NAV3: variants seen among roughly 807,000 people sequenced by gnomAD.
The protein encoded by NAV3 is pore membrane and/or filament interacting like protein 1.
A neutral mutation model predicts 244.7 loss-of-function variants in NAV3; 87 were observed. That is an observed-to-expected ratio of 0.36 (90% CI 0.30 to 0.42). NAV3 has a LOEUF of 0.42. Ranked by LOEUF, NAV3 falls within the 20% of genes least tolerant of loss-of-function variation. The pLI, the probability that NAV3 is intolerant of heterozygous loss-of-function variation, is 1.00. For missense variants in NAV3, 2,663 were observed against 2,893.3 expected, an observed-to-expected ratio of 0.92 and a Z score of 1.83; for synonymous variants, 1,126 against 1,042.2, an observed-to-expected ratio of 1.08 and a Z score of -1.55.
intron 2 of NAV3, among the ~76,000 whole-genome samples, chr12:77,819,535 T>C (rs1436710515): frequency 1.3e-5 from 2 of 152,032 alleles, no homozygotes; most frequent in Non-Finnish European, 2.9e-5. Context: ...AGTTAAGTTT[T>C]AGATGCCAAA....
intron 2 of NAV3, among the ~76,000 whole-genome samples, chr12:77,791,471 C>T (rs1275695445): frequency 1.3e-5 from 2 of 151,990 alleles, no homozygotes; most frequent in Non-Finnish European, 2.9e-5. Context: ...TAAACAAGAC[C>T]CGTGATAAGA....
intron 24 of NAV3, among the ~76,000 whole-genome samples, chr12:78,173,801 A>G (rs1466297061): frequency 2.0e-5 from 3 of 151,502 alleles, no homozygotes; most frequent in African/African-American, 7.3e-5. Context: ...TGATTGCCTC[A>G]GTAGAAAAAT....
At chr12:78,133,723 TA>T (rs1432149011) in intron 18 of NAV3, among the ~76,000 whole-genome samples, 3 of 152,146 alleles carry the variant, frequency 2.0e-5, no homozygotes, top group African/African-American at 7.2e-5. Context: ...ATGCTAGCCC[TA>T]GTAGAAACCA....
rs186556413 is a variant in NAV3 at position 78,057,012 on chromosome 12, C to A, written c.2517-1984C>A. 1.6e-3 allele frequency among the ~76,000 whole-genome samples: 250 copies of A among 152,192 alleles called. 1 individual carries two copies. The highest frequency in any genetic ancestry group is 5.8e-3 in the African/African-American group (240 of 41,540). ...AGAATTCAAAATTTCTTGAAGCATG[C>A]GAAGGCTTATCTCTTTCTCCTCTTT... On this transcript the variant is annotated intron_variant, in intron 11 of 39. Coordinates refer to ENST00000397909, the MANE Select transcript of NAV3 (RefSeq NM_001024383.2).
intron 1 of NAV3, among the ~76,000 whole-genome samples, chr12:77,939,089 G>T (rs913897755): frequency 3.3e-5 from 5 of 151,574 alleles, no homozygotes; most frequent in African/African-American, 9.7e-5. Context: ...CTATACTTCT[G>T]GTTTATTATT....
chr12:78,177,670 A>G lies in NAV3; in HGVS notation c.5348A>G (p.Tyr1783Cys). 5 of 1,597,344 alleles carry G rather than the reference A, an allele frequency of 3.1e-6. No individual in the cohort carries two copies. The highest frequency in any genetic ancestry group is 1.1e-5 in the South Asian group (1 of 91,034). Reference sequence around the variant, plus strand: ...AAACGACAAAATGGCCCTGTGATCTACAAGCATAGATCTCGGTAAAGTGGA... The same window carrying G: ...AAACGACAAAATGGCCCTGTGATCTGCAAGCATAGATCTCGGTAAAGTGGA... ...PKKRQNGPVI[Y>C]KHRSRICECT... Residue 1783 changes from tyrosine (Y) to cysteine (C), a missense_variant, in exon 28 of 40, where the codon TAC becomes TGC. Tyr to Cys is a radical substitution (Grantham distance 194). Coordinates refer to ENST00000397909, the MANE Select transcript of NAV3 (RefSeq NM_001024383.2).
chr12:77,888,576 T>C (rs1036709679), intron 1 of NAV3, among the ~76,000 whole-genome samples: 13 of 152,216 alleles, frequency 8.5e-5, no homozygotes, highest in African/African-American at 2.9e-4. Context: ...GACAAAGTAA[T>C]GAAGAGAAGC....
chr12:77,797,985 G>A (rs7969823), intron 2 of NAV3, among the ~76,000 whole-genome samples: 143,357 of 151,970 alleles, frequency 0.94, 68,191 homozygotes, highest in East Asian at 1. Context: ...CCTGGGTAAC[G>A]TGGTGAAACC....
chr12:78,122,062 C>T lies in NAV3; in HGVS notation c.3872C>T (p.Pro1291Leu), dbSNP rs748073417. ...TLARQGSLES[P>L]SSGTGSMGSA... ...GCGCGGCAAGGCAGTCTGGAGTCAC[C>T]GTCGTCCGGTACGGGCAGCATGGGC... is the stretch of plus-strand genomic sequence containing the variant. The change falls in exon 16 of 40, where the codon CCG (proline) becomes CTG (leucine). Residue 1291 changes from proline to leucine, a missense_variant. Around this residue, in one of 6 missense-constraint regions of NAV3, gnomAD observed 354 missense variants for 413.0 expected, o/e 0.86. Transcript: ENST00000397909. The T allele has an allele frequency of 1.9e-6, 3 of 1,614,172 alleles. No individual in the cohort carries two copies. Among genetic ancestry groups the T allele is most frequent in the Admixed American group, 1.7e-5 (1 of 60,024 alleles).
At chr12:77,774,786 C>G (rs1179556424) in intron 2 of NAV3, among the ~76,000 whole-genome samples, 1 of 152,100 alleles carries the variant, frequency 6.6e-6, no homozygotes, top group East Asian at 1.9e-4. Flanking sequence ...ACTATATACC[C>G]AAAACATGTT....
chr12:78,180,412 T>A (rs1407660412), intron 29 of NAV3, among the ~76,000 whole-genome samples: 2 of 152,098 alleles, frequency 1.3e-5, no homozygotes, highest in Non-Finnish European at 2.9e-5. Flanking sequence ...ATGTTAGATA[T>A]GATTTTGGAG....
chr12:77,725,154 T>A (rs1217259735), intron 2 of NAV3, among the ~76,000 whole-genome samples: 2 of 151,998 alleles, frequency 1.3e-5, no homozygotes, highest in Non-Finnish European at 2.9e-5. Context: ...AGGATTTCCC[T>A]TTTCTTTTCC....
chr12:78,125,609 C>G (rs1955873721), intron 16 of NAV3, among the ~76,000 whole-genome samples: 2 of 152,192 alleles, frequency 1.3e-5, no homozygotes, highest in African/African-American at 4.8e-5. Context: ...ACTATTGGCT[C>G]TAGGCAGTCA....
At chr12:77,736,040 T>C (rs1209826838) in intron 2 of NAV3, among the ~76,000 whole-genome samples, 1 of 152,242 alleles carries the variant, frequency 6.6e-6, no homozygotes, top group African/African-American at 2.4e-5. Flanking sequence ...TTTCAGTGTA[T>C]CTTTACTACA....
At chr12:77,644,489 G>A (rs1491053) in intron 2 of NAV3, among the ~76,000 whole-genome samples, 20,306 of 152,022 alleles carry the variant, frequency 0.13, 2,356 homozygotes, top group African/African-American at 0.31. Context: ...GGAATTCCTA[G>A]TAGACTGAGA....
intron 31 of NAV3, among the ~76,000 whole-genome samples, chr12:78,186,588 T>C (rs1189047341): frequency 2.6e-5 from 4 of 151,884 alleles, no homozygotes; most frequent in Admixed American, 6.6e-5. Context: ...TTTTATAAGG[T>C]ATTGCATAAG....
chr12:77,718,040 GTTGA>G (rs1292169573), intron 2 of NAV3, among the ~76,000 whole-genome samples: 3 of 152,060 alleles, frequency 2.0e-5, no homozygotes, highest in African/African-American at 7.2e-5. Flanking sequence ...TTTTTACTCT[GTTGA>G]TTGTTTTCCT....
chr12:77,618,254 G>A (rs1871220404), intron 2 of NAV3, among the ~76,000 whole-genome samples: 1 of 152,132 alleles, frequency 6.6e-6, no homozygotes, highest in Non-Finnish European at 1.5e-5. Flanking sequence ...ACAAATTCAT[G>A]ACCCATAGAA....
At chr12:77,986,660 G>T (rs565751718) in intron 5 of NAV3, among the ~76,000 whole-genome samples, 69 of 152,210 alleles carry the variant, frequency 4.5e-4, no homozygotes, top group African/African-American at 1.6e-3. Flanking sequence ...ACCACATTTT[G>T]CATGGAAGTC....
Sources: gnomAD v4.1 joint callset for allele counts (sites outside exome capture counted in the v4.1 genomes callset) on GRCh38, gnomAD v4.1.1 for gene constraint, gnomAD v4.1.1 regional missense constraint, MANE v1.5 for transcripts, NCBI Gene and HGNC (gene_info 2026-07-23, HGNC 2026-07-21) for gene names.